The following HERC6 variants were observed in gnomAD, a reference collection of about 807,000 sequenced individuals.
HERC6 encodes HECT and RLD domain containing E3 ubiquitin protein ligase family member 6.
A neutral mutation model predicts 114.5 loss-of-function variants in HERC6; 101 were observed. The ratio of observed to expected loss-of-function variants is 0.88; its 90% confidence interval spans 0.75 to 1.04. The LOEUF (loss-of-function observed/expected upper bound fraction) is 1.04. Among genes scored for constraint, HERC6 ranks in the 50% least tolerant of loss-of-function variants. The pLI, the probability that HERC6 is intolerant of heterozygous loss-of-function variation, is 0.00. For missense variants in HERC6, 1,133 were observed against 1,230.9 expected (o/e 0.92, Z 1.19); for synonymous variants, 408 against 436.2 (o/e 0.94, Z 0.81).
intron 16 of HERC6, among the ~76,000 whole-genome samples, chr4:88,429,201 G>T (rs1184811352): frequency 6.6e-6 from 1 of 152,126 alleles, no homozygotes; most frequent in Non-Finnish European, 1.5e-5. Context: ...CTCCTGGGGC[G>T]AGCAAGCATG....
chr4:88,410,787 G>A lies in HERC6; in HGVS notation c.1368+2170G>A, dbSNP rs529088237. On this transcript the variant is annotated intron_variant, in intron 11 of 22. Transcript: ENST00000264346. Reference sequence around the variant, plus strand: ...AAACCAACTTAATGGAGGAAAGGGAGAAGGGAGAAAGGGCTCCTATGGGAA... The same window carrying A: ...AAACCAACTTAATGGAGGAAAGGGAAAAGGGAGAAAGGGCTCCTATGGGAA... 3.9e-5 allele frequency among the ~76,000 whole-genome samples: 6 copies of A among 152,314 alleles called. No individual in the cohort carries two copies. The South Asian group carries it at 1.2e-3, about 32-fold the overall frequency.
Position 88,442,297 on chromosome 4 carries a change from G to T in HERC6, c.2906G>T (p.Arg969Leu), listed in dbSNP as rs1199264621. ...RGIQKMEIVFRCPETFSERDH... is the reference protein window; with the variant it reads ...RGIQKMEIVFLCPETFSERDH... ...ATACAGAAAATGGAAATAGTATTTC[G>T]CTGTCCTGAAACTTTCAGTGAAAGA... Residue 969 changes from arginine (R) to leucine (L), a missense_variant, in exon 23 of 23, where the codon CGC (arginine) becomes CTC (leucine). Arg to Leu is a moderately radical substitution (Grantham distance 102). This residue lies in a region of HERC6 where 388 missense variants were observed against 445.9 expected (regional missense o/e 0.87). Transcript: ENST00000264346. 2 of 1,613,584 alleles carry T rather than the reference G, an allele frequency of 1.2e-6. No homozygotes were observed. Among genetic ancestry groups the T allele is most frequent in the Non-Finnish European group, 1.7e-6 (2 of 1,179,774 alleles).
At chr4:88,399,002 A>G (rs1030438810) in intron 8 of HERC6, 1 of 152,192 alleles carries the variant, frequency 6.6e-6, no homozygotes, top group Non-Finnish European at 1.5e-5. Flanking sequence ...CCACCATGCT[A>G]TAGTGCCTTC....
chr4:88,415,306 C>CTT (rs1425917865), intron 12 of HERC6, among the ~76,000 whole-genome samples: 1 of 152,130 alleles, frequency 6.6e-6, no homozygotes, highest in Non-Finnish European at 1.5e-5. Context: ...GAAGAATGTT[C>CTT]TATTGTGAAG....
At position 88,408,379 on chromosome 4, in the gene HERC6, A is replaced by G. The variant is rs2148895910; in HGVS notation, c.1275-145A>G. 4 of 667,242 alleles carry G rather than the reference A, an allele frequency of 6.0e-6. No homozygotes were observed. The South Asian group carries it at 6.8e-5, about 11-fold the overall frequency. 41.3% of individuals were successfully genotyped at this position (667,242 alleles called of 1,614,324 possible). A position where few individuals can be genotyped will look rare whatever the true frequency, so the allele number is the denominator to read the frequency against. The stretch of plus-strand genomic sequence containing the variant: ...ACATAAACTGTACATTTTTTATGTC[A>G]AGTAAGTTGATTATTTTGAAAGGAG... On this transcript the variant is annotated intron_variant, in intron 10 of 22. Coordinates refer to ENST00000264346, the MANE Select transcript of HERC6 (RefSeq NM_017912.4).
chr4:88,406,593 A>G (rs2148893875), intron 10 of HERC6, among the ~76,000 whole-genome samples: 1 of 152,306 alleles, frequency 6.6e-6, no homozygotes, highest in Middle Eastern at 3.4e-3. Context: ...CTCACTTCCC[A>G]GGAGTGAGGA....
In HERC6 at chr4:88,439,881, T is replaced by C; in HGVS notation, c.2563T>C (p.Tyr855His). 8.6e-7 allele frequency: 1 copy of C among 1,168,224 alleles called. No homozygotes were observed. The highest frequency in any genetic ancestry group is 1.2e-6 in the Non-Finnish European group (1 of 836,700). 72.4% of individuals were successfully genotyped at this position (1,168,224 alleles called of 1,614,324 possible). A position where few individuals can be genotyped will look rare whatever the true frequency, so the allele number is the denominator to read the frequency against. Residue 855 changes from tyrosine (Y) to histidine (H), a missense_variant, in exon 21 of 23, where the codon TAT becomes CAT. Transcript: ENST00000264346. Reference sequence around the variant, plus strand: ...TTTTTTGCTTCCCTCAAGGAGAGACTATGTTTCTAAGTATATTGATTACAT... The same window carrying C: ...TTTTTTGCTTCCCTCAAGGAGAGACCATGTTTCTAAGTATATTGATTACAT... ...IPVDQTNKRDYVSKYIDYIFN... is the reference protein window; with the variant it reads ...IPVDQTNKRDHVSKYIDYIFN...
intron 12 of HERC6, 32 bp from the exon 13 acceptor site, chr4:88,417,393 C>T: frequency 6.3e-7 from 1 of 1,592,346 alleles, no homozygotes; most frequent in South Asian, 1.1e-5. Context: ...GTAGGAAAAA[C>T]ATATTTATCA....
At position 88,437,751 on chromosome 4, in the gene HERC6, G is replaced by A. The variant is rs764307727; in HGVS notation, c.2525G>A (p.Gly842Glu). Residue 842 changes from glycine (G) to glutamate (E), a missense_variant, in exon 20 of 23, where the codon GGG becomes GAG. By Grantham distance (98) the Gly-to-Glu change is moderately conservative. Around this residue, in one of 3 missense-constraint regions of HERC6, gnomAD observed 388 missense variants for 445.9 expected, o/e 0.87. Transcript: ENST00000264346. Reference protein sequence around the residue: ...DQNDVDLIPNGISIPVDQTNK... With the variant: ...DQNDVDLIPNEISIPVDQTNK... ...AATGATGTTGACTTAATTCCAAATG[G>A]GATCTCCATACCTGTGGACCAAACC... The A allele has an allele frequency of 1.2e-6, 2 of 1,607,870 alleles. No homozygotes were observed. Among genetic ancestry groups the A allele is most frequent in the Admixed American group, 1.7e-5 (1 of 59,452 alleles).
intron 19 of HERC6, 58 bp from the exon 20 acceptor site, chr4:88,437,653 G>T: frequency 9.8e-7 from 1 of 1,017,410 alleles, no homozygotes; most frequent in Non-Finnish European, 1.5e-6. Flanking sequence ...GATATTATGG[G>T]TGGTTGATTA....
intron 1 of HERC6, among the ~76,000 whole-genome samples, chr4:88,382,970 G>C (rs906608118): frequency 2.4e-4 from 37 of 152,158 alleles, no homozygotes; most frequent in African/African-American, 8.2e-4. Context: ...AGGTGCTGGA[G>C]CCATCTCAAC....
At chr4:88,427,117 G>T (rs988984307) in intron 15 of HERC6, among the ~76,000 whole-genome samples, 17 of 152,208 alleles carry the variant, frequency 1.1e-4, no homozygotes, top group Non-Finnish European at 2.1e-4. Context: ...ACTTTTAGTT[G>T]TTATGAGTGA....
At position 88,435,761 on chromosome 4, in the gene HERC6, A is replaced by ATGC. The variant is rs1738667009; in HGVS notation, c.2290_2292dup (p.Leu764dup). 1.3e-5 allele frequency: 21 copies of ATGC among 1,589,322 alleles called. No homozygotes were observed. In the East Asian group the frequency reaches 4.5e-4, roughly 34 times the overall value. On this transcript the variant is annotated inframe_insertion, in exon 18 of 23. Coordinates refer to ENST00000264346, the MANE Select transcript of HERC6 (RefSeq NM_017912.4). The stretch of plus-strand genomic sequence containing the variant: ...GAAGAAAAGATATTTCCTCTTTGGA[A>ATGC]TGCTGTGTGGACTCTCCTTATTCAA...
In HERC6 at chr4:88,393,002, C is replaced by G. The variant is rs889836495; in HGVS notation, c.665-486C>G. 2.6e-5 allele frequency among the ~76,000 whole-genome samples: 4 copies of G among 152,228 alleles called. No homozygotes were observed. In the East Asian group the frequency reaches 7.7e-4, roughly 29 times the overall value. ...TGCATATCCTGGATTGTAATCCCAT[C>G]ATTCATTCCCAAATAAACTTGTTCT... On this transcript the variant is annotated intron_variant, in intron 4 of 22. Coordinates refer to ENST00000264346, the MANE Select transcript of HERC6 (RefSeq NM_017912.4).
Position 88,442,548 on chromosome 4 carries a change from T to C in HERC6, c.*88T>C, listed in dbSNP as rs1045902304. 3.1e-5 allele frequency: 31 copies of C among 995,324 alleles called. No homozygotes were observed. In the African/African-American group the frequency reaches 4.5e-4, roughly 15 times the overall value. 61.7% of individuals were successfully genotyped at this position (995,324 alleles called of 1,614,324 possible). ...CTAAATAATACAAGAGATTAATGAA[T>C]AGTGGTTAGAAGTAGTTGAGGGAGA... On this transcript the variant is annotated 3_prime_UTR_variant, in exon 23 of 23. Transcript: ENST00000264346.
intron 13 of HERC6, among the ~76,000 whole-genome samples, chr4:88,418,132 GTTA>G (rs1215820442): frequency 6.6e-6 from 1 of 152,076 alleles, no homozygotes; most frequent in Non-Finnish European, 1.5e-5. Flanking sequence ...GCAGAATGGT[GTTA>G]CCTCTTGGGA....
At chr4:88,390,617 T>C in intron 3 of HERC6, 35 bp from the exon 4 acceptor site, 2 of 1,521,902 alleles carry the variant, frequency 1.3e-6, no homozygotes, top group Non-Finnish European at 1.8e-6. Context: ...TATTCTAATA[T>C]GTGTACAATT....
intron 13 of HERC6, among the ~76,000 whole-genome samples, chr4:88,420,851 A>C (rs7685901): frequency 0.81 from 122,289 of 151,692 alleles, 50,144 homozygotes; most frequent in East Asian, 0.99. Flanking sequence ...ACCTTTACCC[A>C]AATCAACTTT....
chr4:88,438,573 A>G (rs1273275769), intron 20 of HERC6, among the ~76,000 whole-genome samples: 1 of 152,198 alleles, frequency 6.6e-6, no homozygotes, highest in African/African-American at 2.4e-5. Flanking sequence ...ATATAATGTC[A>G]GATAAGGATG....
Sources: gnomAD v4.1 joint callset for allele counts (sites outside exome capture counted in the v4.1 genomes callset) on GRCh38, gnomAD v4.1.1 for gene constraint, gnomAD v4.1.1 regional missense constraint, MANE v1.5 for transcripts, NCBI Gene and HGNC (gene_info 2026-07-23, HGNC 2026-07-21) for gene names.